The following CDC14A variants were observed in gnomAD, a reference collection of about 807,000 sequenced individuals.
CDC14A encodes the protein dual specificity protein phosphatase CDC14A.
In CDC14A, 53 loss-of-function variants were observed where a neutral mutation model predicts 74.4. That is an observed-to-expected ratio of 0.71 (90% CI 0.57 to 0.89). The LOEUF is 0.89. CDC14A is among the 40% of genes least tolerant of loss of function. The pLI is 0.00. For missense variants in CDC14A, 646 were observed against 713.7 expected (o/e 0.91, Z 1.08); for synonymous variants, 247 against 258.4 (o/e 0.96, Z 0.43).
intron 15 of CDC14A, among the ~76,000 whole-genome samples, chr1:100,514,558 A>G (rs1458426303): frequency 6.6e-6 from 1 of 152,216 alleles, no homozygotes; most frequent in Non-Finnish European, 1.5e-5. Flanking sequence ...GTCTTGAGAC[A>G]TTAAACTATG....
chr1:100,413,228 C>G (rs1661104875), intron 4 of CDC14A, among the ~76,000 whole-genome samples: 2 of 152,128 alleles, frequency 1.3e-5, no homozygotes, highest in Non-Finnish European at 2.9e-5. Flanking sequence ...CCTGCTTTCT[C>G]TAAGCAACAA....
rs371351559 is a variant in CDC14A, at chr1:100,443,080, G to A, written c.519+84G>A. The A allele has an allele frequency of 3.5e-5, 30 of 864,890 alleles. No individual in the cohort carries two copies. The Middle Eastern group carries it at 6.6e-4, about 19-fold the overall frequency. The allele number at this position is 864,890 out of a possible 1,614,324, so 53.6% of individuals were successfully genotyped here. A position where few individuals can be genotyped will look rare whatever the true frequency, so the allele number is the denominator to read the frequency against. On this transcript the variant is annotated intron_variant, in intron 7 of 15. Coordinates refer to ENST00000336454, the MANE Select transcript of CDC14A (RefSeq NM_003672.4). ...CTGTCACACTCATGTATTGCAAATCGAGTGGGTGCTAAATAAAAGCATTCT... is the reference window on the plus strand; with the variant it reads ...CTGTCACACTCATGTATTGCAAATCAAGTGGGTGCTAAATAAAAGCATTCT...
rs568086599 is a variant in CDC14A at position 100,393,020 on chromosome 1, C to T, written c.309+2196C>T. 228 of 1,344,808 alleles carry T rather than the reference C, an allele frequency of 1.7e-4. 1 individual carries two copies. The highest frequency in any genetic ancestry group is 2.7e-4 in the Middle Eastern group (1 of 3,730). 83.3% of individuals were successfully genotyped at this position (1,344,808 alleles called of 1,614,324 possible). A position where few individuals can be genotyped will look rare whatever the true frequency, so the allele number is the denominator to read the frequency against. Reference sequence around the variant, plus strand: ...TGTGAGAGCCCAACTTTTCTACCCGCGAAATTGTCTTTTCAGAAGTCTTGC... The same window carrying T: ...TGTGAGAGCCCAACTTTTCTACCCGTGAAATTGTCTTTTCAGAAGTCTTGC... On this transcript the variant is annotated intron_variant, in intron 4 of 15. Transcript: ENST00000336454.
intron 6 of CDC14A, among the ~76,000 whole-genome samples, chr1:100,441,579 A>G (rs974486399): frequency 2.6e-5 from 4 of 152,276 alleles, no homozygotes; most frequent in Admixed American, 2.0e-4. Context: ...AGGAAAAAAA[A>G]GTGAATCCTT....
At chr1:100,369,589 G>A (rs1470639585) in intron 2 of CDC14A, among the ~76,000 whole-genome samples, 1 of 151,944 alleles carries the variant, frequency 6.6e-6, no homozygotes, top group African/African-American at 2.4e-5. Flanking sequence ...TTTTTCTCTT[G>A]TTCAACTGTT....
At position 100,352,512 on chromosome 1, in the gene CDC14A, T is replaced by C; in HGVS notation, c.-443T>C. 1.9e-6 allele frequency: 2 copies of C among 1,032,596 alleles called. No individual in the cohort carries two copies. The highest frequency in any genetic ancestry group is 1.2e-6 in the Non-Finnish European group (1 of 860,720). The allele number at this position is 1,032,596 out of a possible 1,614,324, so 64.0% of individuals were successfully genotyped here. On this transcript the variant is annotated 5_prime_UTR_variant, in exon 1 of 16. Coordinates refer to ENST00000336454, the MANE Select transcript of CDC14A (RefSeq NM_003672.4). ...GTGGCGAAGGAGGATCCGGAGCAGC[T>C]GCTGCCAGCCCGCGGGCACTGAAGT...
At chr1:100,491,346 C>T (rs1213763727) in intron 11 of CDC14A, among the ~76,000 whole-genome samples, 1 of 150,904 alleles carries the variant, frequency 6.6e-6, no homozygotes, top group African/African-American at 2.4e-5. Flanking sequence ...GACTATGTGC[C>T]AGAATGTTAA....
chr1:100,351,812 T>C (rs1349564509), upstream of CDC14A: 2 of 1,549,620 alleles, frequency 1.3e-6, no homozygotes. Context: ...GAGTCTGGTA[T>C]GTGTAGAGGA....
chr1:100,415,339 A>G (rs1021672138), intron 4 of CDC14A, among the ~76,000 whole-genome samples: 4 of 152,216 alleles, frequency 2.6e-5, no homozygotes, highest in African/African-American at 9.6e-5. Flanking sequence ...AAGAGATGTC[A>G]CATGAGGGTA....
chr1:100,425,876 C>T (rs1295044310), intron 5 of CDC14A, among the ~76,000 whole-genome samples: 1 of 152,060 alleles, frequency 6.6e-6, no homozygotes, highest in Non-Finnish European at 1.5e-5. Context: ...GGAGTATATA[C>T]TTTGGAGGCA....
chr1:100,496,025 C>T lies in CDC14A; in HGVS notation c.1274C>T (p.Pro425Leu). ...AGGTCAGATGATACAAAAGGACATC[C>T]AAGAGCAGTGTCCCAGCCTTTCAGG... ...AFRSDDTKGH[P>L]RAVSQPFRLS... The change falls in exon 13 of 16, where the codon CCA (proline) becomes CTA (leucine). Residue 425 changes from proline to leucine, a missense_variant. Pro to Leu is a moderately conservative substitution (Grantham distance 98). Transcript: ENST00000336454. 1.9e-6 allele frequency: 3 copies of T among 1,613,824 alleles called. No homozygotes were observed. Among genetic ancestry groups the T allele is most frequent in the Non-Finnish European group, 2.5e-6 (3 of 1,179,756 alleles).
intron 7 of CDC14A, among the ~76,000 whole-genome samples, chr1:100,448,618 G>A (rs1226958213): frequency 6.6e-6 from 1 of 152,228 alleles, no homozygotes; most frequent in African/African-American, 2.4e-5. Context: ...GGCTGCTCCA[G>A]TCTGCCCAGG....
chr1:100,515,993 A>G (rs1650184985), intron 15 of CDC14A, among the ~76,000 whole-genome samples: 1 of 152,258 alleles, frequency 6.6e-6, no homozygotes. Flanking sequence ...AGAGGCCTGC[A>G]GGGCCAGTTA....
intron 15 of CDC14A, among the ~76,000 whole-genome samples, chr1:100,511,949 G>C (rs1649816269): frequency 6.6e-6 from 1 of 152,014 alleles, no homozygotes. Context: ...CCCTGGCTTG[G>C]CATTCAGGGT....
At position 100,441,648 on chromosome 1, in the gene CDC14A, C is replaced by A. The variant is rs185037497; in HGVS notation, c.457-1286C>A. On this transcript the variant is annotated intron_variant, in intron 6 of 15. Coordinates refer to ENST00000336454, the MANE Select transcript of CDC14A (RefSeq NM_003672.4). ...CTGGAAAGGTGCATATGGATGAACT[C>A]AGTTTTTTTTTTTTTTTTAGAATGG... 5.5e-3 allele frequency among the ~76,000 whole-genome samples: 817 copies of A among 148,714 alleles called. 24 individuals are homozygous for A. The highest frequency in any genetic ancestry group is 5.7e-3 in the South Asian group (27 of 4,728).
chr1:100,392,684 G>C (rs1365313407), intron 4 of CDC14A, among the ~76,000 whole-genome samples: 2 of 152,142 alleles, frequency 1.3e-5, no homozygotes, highest in Non-Finnish European at 2.9e-5. Flanking sequence ...TAAACCAAAA[G>C]TTTCCAACTT....
At chr1:100,430,719 T>G (rs887306212) in intron 5 of CDC14A, among the ~76,000 whole-genome samples, 1 of 152,246 alleles carries the variant, frequency 6.6e-6, no homozygotes, top group African/African-American at 2.4e-5. Context: ...TTTATTAGCT[T>G]AAATATGATA....
At chr1:100,351,417 A>G (rs778832097), upstream of CDC14A, among the ~76,000 whole-genome samples, 41 of 152,262 alleles carry the variant, frequency 2.7e-4, no homozygotes, top group Non-Finnish European at 4.6e-4. Context: ...CCATTTTCGT[A>G]TGGAAGGGAC....
intron 2 of CDC14A, among the ~76,000 whole-genome samples, chr1:100,373,502 G>T (rs373357933): frequency 6.6e-6 from 1 of 152,148 alleles, no homozygotes; most frequent in African/African-American, 2.4e-5. Flanking sequence ...TGGAGAAATG[G>T]AACTGATAGA....
Sources: allele counts gnomAD v4.1 joint callset (sites outside exome capture counted in the v4.1 genomes callset), GRCh38; gene constraint gnomAD v4.1.1; transcripts MANE v1.5; gene names NCBI Gene and HGNC (gene_info 2026-07-23, HGNC 2026-07-21).